Variants in FSCN2 observed in about 807,000 individuals in gnomAD.
FSCN2 encodes the protein fascin-2.
A neutral mutation model predicts 37.8 loss-of-function variants in FSCN2; 46 were observed. The observed-to-expected ratio is 1.22, with a 90% confidence interval of 0.96 to 1.56. The LOEUF (loss-of-function observed/expected upper bound fraction) is 1.56. Ranked by LOEUF, FSCN2 falls within the 40% of genes most tolerant of loss-of-function variation. The pLI is 0.00. For missense variants in FSCN2, 844 were observed against 730.4 expected (o/e 1.16, Z -1.79); for synonymous variants, 351 against 309.4 (o/e 1.13, Z -1.41).
intron 1 of FSCN2, chr17:81,530,464 G>C (rs540662729): frequency 2.6e-6 from 1 of 383,226 alleles, no homozygotes; most frequent in African/African-American, 2.2e-5. Context: ...GCCCTGGCCC[G>C]GGCAGTCACT....
upstream of FSCN2, chr17:81,527,515 T>C (rs923602243): frequency 1.3e-5 from 2 of 152,374 alleles, no homozygotes; most frequent in African/African-American, 4.8e-5. Context: ...TGTAGACAGG[T>C]GTGACCACTT....
At chr17:81,533,865 G>A (rs544149607) in intron 1 of FSCN2, among the ~76,000 whole-genome samples, 57 of 152,328 alleles carry the variant, frequency 3.7e-4, no homozygotes, top group Non-Finnish European at 3.8e-4. Flanking sequence ...AGGTGCAGTG[G>A]CGGGGGGAGC....
rs1555670575 is a variant in FSCN2 at position 81,528,717 on chromosome 17, C to A, written c.186C>A (p.Ser62Arg). ...AAGGCACGGCTGTGCTGCTCCGCAG[C>A]AGCCACCTGGGCCGCTACCTGTCGG... ...PGQGTAVLLR[S>R]SHLGRYLSAE... Residue 62 changes from serine (S) to arginine (R), a missense_variant, in exon 1 of 5, where the codon AGC (serine) becomes AGA (arginine). Ser to Arg is a moderately radical substitution (Grantham distance 110). Coordinates refer to ENST00000417245, the MANE Select transcript of FSCN2 (RefSeq NM_012418.4). 1.3e-6 allele frequency: 2 copies of A among 1,598,360 alleles called. No individual in the cohort carries two copies. The highest frequency in any genetic ancestry group is 2.3e-5 in the South Asian group (2 of 88,850).
chr17:81,531,645 GTGATGATAGTGATGGTGA>G (rs1568077831), intron 1 of FSCN2, among the ~76,000 whole-genome samples: 1 of 120,338 alleles, frequency 8.3e-6, no homozygotes. Flanking sequence ...GGTGGTGGTG[GTGATGATAGTGATGGTGA>G]TGATGATGGT....
chr17:81,528,452 G>T lies in FSCN2; in HGVS notation c.-80G>T. Reference sequence around the variant, plus strand: ...GGCTGTGGGCCAGCCGAGCCGACCCGGGCTTCTGGGGGACCGCGGGGGCCG... The same window carrying T: ...GGCTGTGGGCCAGCCGAGCCGACCCTGGCTTCTGGGGGACCGCGGGGGCCG... On this transcript the variant is annotated 5_prime_UTR_variant, in exon 1 of 5. Coordinates refer to ENST00000417245, the MANE Select transcript of FSCN2 (RefSeq NM_012418.4). The T allele has an allele frequency of 9.0e-7, 1 of 1,113,174 alleles. No individual in the cohort carries two copies. Among genetic ancestry groups the T allele is most frequent in the Admixed American group, 2.2e-5 (1 of 45,066 alleles). The allele number at this position is 1,113,174 out of a possible 1,614,324, so 69.0% of individuals were successfully genotyped here. A position where few individuals can be genotyped will look rare whatever the true frequency, so the allele number is the denominator to read the frequency against.
chr17:81,527,212 C>T (rs963024725), upstream of FSCN2: 8 of 152,414 alleles, frequency 5.2e-5, no homozygotes, highest in Non-Finnish European at 8.8e-5. Context: ...TACGGGGACC[C>T]CCATGATGGC....
intron 1 of FSCN2, among the ~76,000 whole-genome samples, chr17:81,532,403 AGTGATG>A (rs1318880343): frequency 3.8e-5 from 2 of 52,036 alleles, no homozygotes; most frequent in Admixed American, 3.7e-4. Context: ...TGGTGATGAT[AGTGATG>A]GTGATGATGG....
At chr17:81,520,870 TC>T in the FSCN2 span, among the ~76,000 whole-genome samples, 1 of 152,230 alleles carries the variant, frequency 6.6e-6, no homozygotes. Flanking sequence ...TTTTACAATT[TC>T]TTTCTTTTGT....
intron 1 of FSCN2, among the ~76,000 whole-genome samples, chr17:81,531,534 G>GGTGATGGCGATGA (rs1568077591): frequency 1.1e-5 from 1 of 88,756 alleles, no homozygotes; most frequent in Admixed American, 1.2e-4. Context: ...GATGGCGATG[G>GGTGATGGCGATGA]TGGTGATGAT....
At chr17:81,534,930 CAA>C in intron 1 of FSCN2, 120 bp from the exon 2 acceptor site, 1 of 651,518 alleles carries the variant, frequency 1.5e-6, no homozygotes, top group Non-Finnish European at 2.5e-6. Flanking sequence ...CAAATCTTCT[CAA>C]GTCAAGAGGG....
In FSCN2 at chr17:81,529,269, T is replaced by C. The variant is rs34567655; in HGVS notation, c.738T>C (p.Pro246=). 0.023 allele frequency: 35,968 copies of C among 1,592,794 alleles called. 2,938 individuals are homozygous for C. The African/African-American group carries it at 0.26, about 12-fold the overall frequency. Residue 246 remains proline (P), a synonymous_variant, in exon 1 of 5, where the codon CCT becomes CCC. Coordinates refer to ENST00000417245, the MANE Select transcript of FSCN2 (RefSeq NM_012418.4). ...TCAAGGCCGGCCGAAACACGCGACCTGGCAAGGATGAGCTCTTTGATCTGG... is the reference window on the plus strand; with the variant it reads ...TCAAGGCCGGCCGAAACACGCGACCCGGCAAGGATGAGCTCTTTGATCTGG... The part of the protein sequence containing the change: ...GTLKAGRNTR[P]GKDELFDLEE...
intron 1 of FSCN2, among the ~76,000 whole-genome samples, chr17:81,532,737 GTGA>G (rs754123599): frequency 1.3e-4 from 19 of 149,152 alleles, no homozygotes; most frequent in Middle Eastern, 3.4e-3. Flanking sequence ...GATGGTGATG[GTGA>G]TGATGACAGT....
the FSCN2 span, among the ~76,000 whole-genome samples, chr17:81,518,559 G>C: frequency 6.6e-6 from 1 of 152,188 alleles, no homozygotes; most frequent in Non-Finnish European, 1.5e-5. Flanking sequence ...CTCTAGGGCT[G>C]GGAGGGAGGG....
chr17:81,524,919 A>ACACACACACACC (rs10677990), upstream of FSCN2, among the ~76,000 whole-genome samples: 3,732 of 142,386 alleles, frequency 0.026, 77 homozygotes, highest in African/African-American at 0.048. Context: ...ACACACACAC[A>ACACACACACACC]CCACACTCAC....
upstream of FSCN2, among the ~76,000 whole-genome samples, chr17:81,525,839 T>G (rs2143835107): frequency 6.6e-6 from 1 of 152,322 alleles, no homozygotes; most frequent in East Asian, 1.9e-4. Context: ...GAAGCGATCC[T>G]AGCAGGTGGC....
chr17:81,535,967 C>T (rs756858815), intron 2 of FSCN2, among the ~76,000 whole-genome samples, 179 bp from the exon 3 acceptor site: 3 of 151,500 alleles, frequency 2.0e-5, no homozygotes, highest in East Asian at 3.9e-4. Context: ...TGAGGATTGC[C>T]GTAGCAGCTC....
rs952041104 is a variant in FSCN2, at chr17:81,536,177, C to T, written c.1015C>T (p.Arg339Cys). ...CAACACCATGTTTGAGATGGAGTGGCGTGGCCGGCGGGTAGCACTCAAAGC... is the reference window on the plus strand; with the variant it reads ...CAACACCATGTTTGAGATGGAGTGGTGTGGCCGGCGGGTAGCACTCAAAGC... The part of the protein sequence containing the change: ...SANTMFEMEW[R>C]GRRVALKASN... Residue 339 changes from arginine (R) to cysteine (C), a missense_variant, in exon 3 of 5, where the codon CGT becomes TGT. By Grantham distance (180) the Arg-to-Cys change is radical. Coordinates refer to ENST00000417245, the MANE Select transcript of FSCN2 (RefSeq NM_012418.4). 67 of 1,604,672 alleles carry T rather than the reference C, an allele frequency of 4.2e-5. No homozygotes were observed. The highest frequency in any genetic ancestry group is 5.3e-5 in the Non-Finnish European group (62 of 1,176,178).
chr17:81,522,879 G>A, the FSCN2 span, among the ~76,000 whole-genome samples: 1 of 152,206 alleles, frequency 6.6e-6, no homozygotes. Flanking sequence ...CTCTCCTCCT[G>A]TCCCCTGCAT....
chr17:81,537,027 C>T lies in FSCN2; in HGVS notation c.1426C>T (p.Leu476=). The stretch of plus-strand genomic sequence containing the variant: ...GTACCTGCGCGGCGGCGCCTCGGGC[C>T]TGCTGCGGGCCGATGCCGACGCCCC... ...GKYLRGGASG[L]LRADADAPAG... Residue 476 remains leucine (L), a synonymous_variant, in exon 5 of 5, where the codon CTG becomes TTG. Transcript: ENST00000417245. The T allele has an allele frequency of 6.7e-7, 1 of 1,490,106 alleles. No homozygotes were observed. The highest frequency in any genetic ancestry group is 8.9e-7 in the Non-Finnish European group (1 of 1,127,288). 92.3% of individuals were successfully genotyped at this position (1,490,106 alleles called of 1,614,324 possible).
Sources: gnomAD v4.1 joint callset for allele counts (sites outside exome capture counted in the v4.1 genomes callset) on GRCh38, gnomAD v4.1.1 for gene constraint, MANE v1.5 for transcripts, NCBI Gene and HGNC (gene_info 2026-07-23, HGNC 2026-07-21) for gene names.